Variants in NEDD4 observed in about 807,000 individuals in gnomAD.
NEDD4 encodes the protein NEDD4 E3 ubiquitin protein ligase.
In NEDD4, 99 loss-of-function variants were observed where a neutral mutation model predicts 144.9. That is an observed-to-expected ratio of 0.68 (90% CI 0.58 to 0.81). The LOEUF is 0.81. Among genes scored for constraint, NEDD4 ranks in the 30% least tolerant of loss-of-function variants. The pLI is 0.00. For synonymous variants in NEDD4, 318 were observed against 350.6 expected, an observed-to-expected ratio of 0.91 and a Z score of 1.04; for missense variants, 985 against 1,065.9, an observed-to-expected ratio of 0.92 and a Z score of 1.06.
chr15:55,865,727 G>A (rs1401858288), intron 8 of NEDD4, among the ~76,000 whole-genome samples: 3 of 152,004 alleles, frequency 2.0e-5, no homozygotes, highest in East Asian at 3.9e-4. Flanking sequence ...ATTCTTCCAC[G>A]TTGGAAGGCT....
intron 2 of NEDD4, among the ~76,000 whole-genome samples, chr15:55,953,724 G>A (rs1158225346): frequency 2.0e-5 from 3 of 151,402 alleles, no homozygotes; most frequent in Non-Finnish European, 2.9e-5. Flanking sequence ...TTACAGGCAT[G>A]AGCCAACATG....
Position 55,852,536 on chromosome 15 carries a change from G to C in NEDD4, c.1034C>G (p.Pro345Arg). 1 of 1,612,554 alleles carries C rather than the reference G, an allele frequency of 6.2e-7. No homozygotes were observed. The highest frequency in any genetic ancestry group is 8.5e-7 in the Non-Finnish European group (1 of 1,179,340). Reference protein sequence around the residue: ...EEQPTLPVLLPTSSGLPPGWE... With the variant: ...EEQPTLPVLLRTSSGLPPGWE... ...ACCTGGTGGTAATCCAGATGAAGTAGGCAAAAGCTAAAGTGAAGAATAACA... is the reference window on the plus strand; with the variant it reads ...ACCTGGTGGTAATCCAGATGAAGTACGCAAAAGCTAAAGTGAAGAATAACA... The change falls in exon 13 of 29, where the codon CCT becomes CGT. Residue 345 changes from proline (P) to arginine (R), a missense_variant. Transcript: ENST00000435532.
intron 1 of NEDD4, among the ~76,000 whole-genome samples, chr15:55,983,455 C>T (rs1436216623): frequency 6.6e-6 from 1 of 152,092 alleles, no homozygotes; most frequent in Non-Finnish European, 1.5e-5. Context: ...CCTTCCTGTT[C>T]GTCTCCATCC....
At chr15:55,863,249 T>C (rs1422438130) in intron 8 of NEDD4, among the ~76,000 whole-genome samples, 170 bp from the exon 9 acceptor site, 2 of 152,220 alleles carry the variant, frequency 1.3e-5, no homozygotes, top group Admixed American at 6.5e-5. Flanking sequence ...TACTTTATGA[T>C]AATGAAGACT....
intron 8 of NEDD4, among the ~76,000 whole-genome samples, chr15:55,866,437 T>C (rs2034591558): frequency 6.6e-6 from 1 of 152,140 alleles, no homozygotes; most frequent in Non-Finnish European, 1.5e-5. Flanking sequence ...TGAATCAGAC[T>C]GTATGTTTCT....
At chr15:55,880,767 G>C (rs2035161969) in intron 5 of NEDD4, among the ~76,000 whole-genome samples, 1 of 152,186 alleles carries the variant, frequency 6.6e-6, no homozygotes. Context: ...ACAGCTACGA[G>C]AGAGATGTTT....
At chr15:55,988,436 G>A (rs1383462941) in intron 1 of NEDD4, among the ~76,000 whole-genome samples, 1 of 125,252 alleles carries the variant, frequency 8.0e-6, no homozygotes, top group Non-Finnish European at 1.6e-5. Context: ...TAACTAACCT[G>A]CGCAATGTGC....
chr15:55,862,999 C>T lies in NEDD4; in HGVS notation c.588G>A (p.Gly196=). The T allele has an allele frequency of 6.2e-7, 1 of 1,607,718 alleles. No individual in the cohort carries two copies. Among genetic ancestry groups the T allele is most frequent in the Non-Finnish European group, 8.5e-7 (1 of 1,175,650 alleles). ...CAAGGATATCCTGCCTCTCTTCCCA[C>T]CCTGGAGGTAGAGGAGAAGGTTCTT... The part of the protein sequence containing the change: ...QQQEPSPLPP[G]WEERQDILGR... Residue 196 remains glycine (G), a synonymous_variant, in exon 9 of 29, where the codon GGG becomes GGA. Transcript: ENST00000435532.
chr15:55,914,063 T>C (rs1219682099), intron 5 of NEDD4, among the ~76,000 whole-genome samples: 1 of 151,858 alleles, frequency 6.6e-6, no homozygotes, highest in Non-Finnish European at 1.5e-5. Flanking sequence ...AAATCTGATC[T>C]TTTTTTATCC....
In NEDD4 at chr15:55,872,467, G is replaced by C; in HGVS notation, c.352C>G (p.Pro118Ala). The C allele has an allele frequency of 6.9e-7, 1 of 1,444,634 alleles. No individual in the cohort carries two copies. The allele number at this position is 1,444,634 out of a possible 1,614,324, so 89.5% of individuals were successfully genotyped here. Reference protein sequence around the residue: ...VPLYPLPTENPRLERPYTFKD... With the variant: ...VPLYPLPTENARLERPYTFKD... ...AATGTATATGGTCTCTCCAATCTTG[G>C]ATTTTCTGTCTAGAATAAAATAGTG... Residue 118 changes from proline to alanine, a missense_variant, in exon 7 of 29, where the codon CCA becomes GCA. Pro to Ala is a conservative substitution (Grantham distance 27). Transcript: ENST00000435532.
At chr15:55,935,097 G>A (rs2036860240) in intron 4 of NEDD4, among the ~76,000 whole-genome samples, 2 of 151,776 alleles carry the variant, frequency 1.3e-5, no homozygotes, top group East Asian at 1.9e-4. Flanking sequence ...TGAACTCCTG[G>A]CCTCAGGTGA....
At position 55,957,690 on chromosome 15, in the gene NEDD4, C is replaced by T. The variant is rs1367789050; in HGVS notation, c.120-6101G>A. 3.3e-5 allele frequency among the ~76,000 whole-genome samples: 5 copies of T among 152,174 alleles called. No individual in the cohort carries two copies. The South Asian group carries it at 8.3e-4, about 25-fold the overall frequency. ...ATGCACATGTATGTTTATTACGGCACTATTCACAATAGCAAAGACTTGGAA... is the reference window on the plus strand; with the variant it reads ...ATGCACATGTATGTTTATTACGGCATTATTCACAATAGCAAAGACTTGGAA... On this transcript the variant is annotated intron_variant, in intron 2 of 28. Transcript: ENST00000435532.
At chr15:55,930,869 C>A (rs1485527306) in intron 4 of NEDD4, among the ~76,000 whole-genome samples, 1 of 152,118 alleles carries the variant, frequency 6.6e-6, no homozygotes, top group Non-Finnish European at 1.5e-5. Context: ...GCCTCCCCAG[C>A]CATGTGGAAC....
At chr15:55,848,301 C>A in intron 17 of NEDD4, 71 bp downstream of exon 17, 1 of 1,452,378 alleles carries the variant, frequency 6.9e-7, no homozygotes, top group Admixed American at 1.7e-5. Context: ...GGGTTATGCC[C>A]GTGACTATCT....
intron 2 of NEDD4, among the ~76,000 whole-genome samples, chr15:55,962,851 A>G (rs1188209690): frequency 6.6e-6 from 1 of 150,632 alleles, no homozygotes; most frequent in Non-Finnish European, 1.5e-5. Context: ...CAATGGTGTG[A>G]TCTCAGCTCA....
intron 5 of NEDD4, among the ~76,000 whole-genome samples, chr15:55,918,402 C>A (rs2036505005): frequency 6.6e-6 from 1 of 152,050 alleles, no homozygotes; most frequent in Admixed American, 6.6e-5. Flanking sequence ...ATTTAAACCC[C>A]TCACCTAAAT....
intron 21 of NEDD4, 64 bp downstream of exon 21, chr15:55,840,383 T>C (rs2033447851): frequency 7.0e-7 from 1 of 1,419,734 alleles, no homozygotes; most frequent in African/African-American, 1.4e-5. Flanking sequence ...AAGCAAATTC[T>C]TCAAAATGTT....
At chr15:55,877,092 C>T (rs1274162127) in intron 5 of NEDD4, among the ~76,000 whole-genome samples, 1 of 152,076 alleles carries the variant, frequency 6.6e-6, no homozygotes, top group Non-Finnish European at 1.5e-5. Context: ...CCAGATCCAC[C>T]AAATGTTAAC....
intron 18 of NEDD4, among the ~76,000 whole-genome samples, chr15:55,844,807 A>AT (rs56088235): frequency 0.012 from 1,685 of 138,754 alleles, 22 homozygotes; most frequent in African/African-American, 0.024. Context: ...CCGGTTTTCA[A>AT]TTTTTTTTTT....
Sources: gnomAD v4.1 joint callset for allele counts (sites outside exome capture counted in the v4.1 genomes callset) on GRCh38, gnomAD v4.1.1 for gene constraint, MANE v1.5 for transcripts, NCBI Gene and HGNC (gene_info 2026-07-23, HGNC 2026-07-21) for gene names.